Variants in EXOC2 observed in about 807,000 individuals in gnomAD.
EXOC2 encodes the protein exocyst complex component 2.
EXOC2 carries 70 observed loss-of-function variants against 131.8 expected under a neutral mutation model. The ratio of observed to expected loss-of-function variants is 0.53; its 90% confidence interval spans 0.44 to 0.65. The LOEUF (loss-of-function observed/expected upper bound fraction) is 0.65, where lower values mean the gene tolerates loss of function less well. Ranked by LOEUF, EXOC2 falls within the 30% of genes least tolerant of loss-of-function variation. The probability of loss-of-function intolerance (pLI) is 0.00; values close to 1 mark genes in which losing one functional copy is unlikely to be tolerated. For synonymous variants in EXOC2, 411 were observed against 398.4 expected (o/e 1.03, Z -0.38); for missense variants, 923 against 1,108.6 (o/e 0.83, Z 2.38).
intron 17 of EXOC2, among the ~76,000 whole-genome samples, chr6:559,201 C>G (rs1757576840): frequency 6.6e-6 from 1 of 152,072 alleles, no homozygotes; most frequent in Non-Finnish European, 1.5e-5. Context: ...GAGAAGAAAA[C>G]AGGATGCTTT....
At chr6:612,892 G>A (rs1389495679) in intron 6 of EXOC2, among the ~76,000 whole-genome samples, 2 of 152,176 alleles carry the variant, frequency 1.3e-5, no homozygotes, top group African/African-American at 4.8e-5. Flanking sequence ...AAGTGATAAT[G>A]CTGGACTTGC....
intron 1 of EXOC2, chr6:656,682 G>A: frequency 6.2e-7 from 1 of 1,606,926 alleles, no homozygotes. Flanking sequence ...CGCCGCCCGG[G>A]ACAGGTGCTC....
intron 10 of EXOC2, among the ~76,000 whole-genome samples, chr6:596,523 G>A (rs1363633642): frequency 2.7e-5 from 4 of 150,152 alleles, no homozygotes; most frequent in African/African-American, 1.0e-4. Flanking sequence ...ATGCATCCCC[G>A]CATCTGGCTA....
At chr6:616,813 G>C (rs1581564640) in intron 6 of EXOC2, among the ~76,000 whole-genome samples, 2 of 151,194 alleles carry the variant, frequency 1.3e-5, no homozygotes, top group East Asian at 4.0e-4. Flanking sequence ...CGCGATCTCG[G>C]CTCACTGCAA....
chr6:499,404 C>G (rs1026723707), intron 24 of EXOC2, among the ~76,000 whole-genome samples: 5 of 150,330 alleles, frequency 3.3e-5, no homozygotes, highest in Admixed American at 3.3e-4. Context: ...AGAAAACATA[C>G]AATTTCAGAG....
intron 11 of EXOC2, among the ~76,000 whole-genome samples, chr6:589,061 A>T (rs1397730221): frequency 2.0e-5 from 3 of 152,270 alleles, no homozygotes; most frequent in Non-Finnish European, 4.4e-5. Context: ...CCAGAAATTC[A>T]AATATTTTCA....
At chr6:521,027 C>T in intron 23 of EXOC2, among the ~76,000 whole-genome samples, 1 of 148,764 alleles carries the variant, frequency 6.7e-6, no homozygotes, top group African/African-American at 2.5e-5. Flanking sequence ...AACAACCGCC[C>T]ACCGAGCGCC....
At chr6:635,189 G>C (rs1762043697) in intron 2 of EXOC2, among the ~76,000 whole-genome samples, 1 of 152,166 alleles carries the variant, frequency 6.6e-6, no homozygotes, top group Non-Finnish European at 1.5e-5. Flanking sequence ...AAGGAAAAAA[G>C]TCATCCCTAA....
At chr6:598,721 GAAGT>G in intron 9 of EXOC2, 135 bp downstream of exon 9, 1 of 602,948 alleles carries the variant, frequency 1.7e-6, no homozygotes, top group South Asian at 2.4e-5. Flanking sequence ...TGTTATTTCT[GAAGT>G]AATTGCTTTA....
intron 1 of EXOC2, among the ~76,000 whole-genome samples, chr6:683,609 C>G (rs143962214): frequency 6.4e-4 from 97 of 152,350 alleles, no homozygotes; most frequent in African/African-American, 2.1e-3. Flanking sequence ...TTCATTAAAA[C>G]TGTTAAACAT....
chr6:538,530 G>T (rs1766599599), intron 22 of EXOC2, among the ~76,000 whole-genome samples: 1 of 152,186 alleles, frequency 6.6e-6, no homozygotes, highest in African/African-American at 2.4e-5. Context: ...GCGCTAAAGG[G>T]TCACTGATGG....
At chr6:486,827 A>G in intron 27 of EXOC2, 63 bp from the exon 28 acceptor site, 1 of 1,329,228 alleles carries the variant, frequency 7.5e-7, no homozygotes, top group Admixed American at 1.7e-5. Context: ...ACGCAAGAAA[A>G]CACCAGGGGA....
chr6:515,955 G>T (rs1765139476), intron 23 of EXOC2, among the ~76,000 whole-genome samples: 1 of 152,190 alleles, frequency 6.6e-6, no homozygotes. Context: ...CAAGGCGTAT[G>T]GTGACTTGGT....
At chr6:604,838 C>A (rs397840486) in intron 7 of EXOC2, among the ~76,000 whole-genome samples, 2 of 127,704 alleles carry the variant, frequency 1.6e-5, no homozygotes, top group East Asian at 4.8e-4. Flanking sequence ...CGCCCACCGC[C>A]GGCCTCTGCT....
chr6:517,171 GAGA>G (rs1345943431), intron 23 of EXOC2, among the ~76,000 whole-genome samples: 1 of 151,344 alleles, frequency 6.6e-6, no homozygotes, highest in Non-Finnish European at 1.5e-5. Context: ...AGAAATAAAA[GAGA>G]AGAAGGAAGA....
intron 1 of EXOC2, among the ~76,000 whole-genome samples, chr6:647,143 C>T (rs1428506068): frequency 6.6e-6 from 1 of 152,084 alleles, no homozygotes; most frequent in East Asian, 1.9e-4. Context: ...TAAGGTATGT[C>T]CTCAGTATTA....
At chr6:504,244 G>A (rs569171274) in intron 23 of EXOC2, among the ~76,000 whole-genome samples, 6 of 152,356 alleles carry the variant, frequency 3.9e-5, no homozygotes, top group East Asian at 1.9e-4. Context: ...GCTCGCCTGC[G>A]GCCTCGCAGT....
chr6:645,303 TCATAAA>T (rs1168612582), intron 1 of EXOC2, among the ~76,000 whole-genome samples: 1 of 150,660 alleles, frequency 6.6e-6, no homozygotes, highest in Middle Eastern at 3.2e-3. Context: ...TCAAAATGGC[TCATAAA>T]CATAAAAACT....
At chr6:495,208 C>T (rs1319713037) in intron 25 of EXOC2, among the ~76,000 whole-genome samples, 1 of 149,724 alleles carries the variant, frequency 6.7e-6, no homozygotes, top group Non-Finnish European at 1.5e-5. Context: ...TCACTGCGAG[C>T]TCCACCTCCA....
Sources: gnomAD v4.1 joint callset for allele counts (sites outside exome capture counted in the v4.1 genomes callset) on GRCh38, gnomAD v4.1.1 for gene constraint, MANE v1.5 for transcripts, NCBI Gene and HGNC (gene_info 2026-07-23, HGNC 2026-07-21) for gene names.